KCNK9: variants seen among roughly 807,000 people sequenced by gnomAD.
The protein encoded by KCNK9 is potassium two pore domain channel subfamily K member 9.
In KCNK9, 1 loss-of-function variant was observed where a neutral mutation model predicts 10.8. That is an observed-to-expected ratio of 0.09 (90% CI 0.03 to 0.44). The LOEUF (loss-of-function observed/expected upper bound fraction) is 0.44. Ranked by LOEUF, KCNK9 falls within the 20% of genes least tolerant of loss-of-function variation. KCNK9 has a pLI of 0.97. For missense variants in KCNK9, 303 were observed against 515.0 expected (o/e 0.59, Z 3.98); for synonymous variants, 231 against 222.7 (o/e 1.04, Z -0.33).
chr8:139,627,269 A>G (rs1452309775), intron 1 of KCNK9, among the ~76,000 whole-genome samples: 2 of 152,182 alleles, frequency 1.3e-5, no homozygotes, highest in Non-Finnish European at 2.9e-5. Flanking sequence ...GTGGTGTGTC[A>G]AGTCCTCCTC....
At chr8:139,615,936 C>A (rs1435234385), downstream of KCNK9, 2 of 152,116 alleles carry the variant, frequency 1.3e-5, no homozygotes, top group African/African-American at 4.8e-5. Context: ...CAAGGGCCTG[C>A]TGCATGCCCC....
At chr8:139,612,845 A>C (rs898619930), downstream of KCNK9, among the ~76,000 whole-genome samples, 25 of 152,154 alleles carry the variant, frequency 1.6e-4, no homozygotes, top group African/African-American at 5.6e-4. Context: ...CAAGCAGAGG[A>C]GATCACAGGG....
chr8:139,626,526 C>T (rs542409392), intron 1 of KCNK9, among the ~76,000 whole-genome samples: 39 of 152,270 alleles, frequency 2.6e-4, no homozygotes, highest in African/African-American at 9.1e-4. Flanking sequence ...ACCGTGCCCT[C>T]GGAGGGACTG....
At chr8:139,650,151 T>TC (rs888254942) in intron 1 of KCNK9, among the ~76,000 whole-genome samples, 1 of 152,102 alleles carries the variant, frequency 6.6e-6, no homozygotes, top group African/African-American at 2.4e-5. Flanking sequence ...GCTTCTCATC[T>TC]CCCCCAAGTA....
chr8:139,696,639 G>C (rs747269069), intron 1 of KCNK9, among the ~76,000 whole-genome samples: 3 of 152,168 alleles, frequency 2.0e-5, no homozygotes, highest in African/African-American at 2.4e-5. Context: ...AGAGGAGGGA[G>C]GGAAGGAGGG....
intron 1 of KCNK9, among the ~76,000 whole-genome samples, chr8:139,622,046 T>C (rs1814799761): frequency 6.6e-6 from 1 of 152,218 alleles, no homozygotes; most frequent in African/African-American, 2.4e-5. Context: ...AGCAGTACAC[T>C]GGTATGTCCT....
At chr8:139,652,765 G>C (rs1268380496) in intron 1 of KCNK9, among the ~76,000 whole-genome samples, 1 of 152,190 alleles carries the variant, frequency 6.6e-6, no homozygotes, top group Non-Finnish European at 1.5e-5. Context: ...GCCAAACGCT[G>C]TCAGCTACTG....
chr8:139,700,565 T>C (rs896338066), intron 1 of KCNK9, among the ~76,000 whole-genome samples: 1 of 149,916 alleles, frequency 6.7e-6, no homozygotes, highest in African/African-American at 2.5e-5. Flanking sequence ...CACACACACA[T>C]TTTTTTCCCA....
intron 1 of KCNK9, among the ~76,000 whole-genome samples, chr8:139,652,864 G>A (rs1367863588): frequency 1.3e-5 from 2 of 152,148 alleles, no homozygotes; most frequent in African/African-American, 2.4e-5. Flanking sequence ...AACCTGCAGG[G>A]GCCAGACAGG....
At chr8:139,670,391 G>A (rs144872325) in intron 1 of KCNK9, among the ~76,000 whole-genome samples, 1,649 of 152,184 alleles carry the variant, frequency 0.011, 11 homozygotes, top group Middle Eastern at 0.017. Flanking sequence ...TTGATGACAC[G>A]GGGTGCCACA....
At chr8:139,642,594 C>T (rs895935700) in intron 1 of KCNK9, among the ~76,000 whole-genome samples, 2 of 152,224 alleles carry the variant, frequency 1.3e-5, no homozygotes, top group African/African-American at 4.8e-5. Context: ...GCTCCTCCTC[C>T]CACACCTGGC....
chr8:139,692,534 T>C lies in KCNK9; in HGVS notation c.283+10176A>G, dbSNP rs1027452757. 1.1e-4 allele frequency among the ~76,000 whole-genome samples: 16 copies of C among 152,300 alleles called. 1 individual carries two copies. The highest frequency in any genetic ancestry group is 7.2e-4 in the Admixed American group (11 of 15,302). ...CCCCTCACTAGTGTTTGAATACCTA[T>C]GGCCTGAACATTGTCCCAGACAGAC... is the stretch of plus-strand genomic sequence containing the variant. On this transcript the variant is annotated intron_variant, in intron 1 of 1. Transcript: ENST00000520439.
chr8:139,636,191 T>C (rs185632147), intron 1 of KCNK9, among the ~76,000 whole-genome samples: 1 of 152,374 alleles, frequency 6.6e-6, no homozygotes, highest in African/African-American at 2.4e-5. Flanking sequence ...TCTTCTCATG[T>C]CATGCCCAAC....
Position 139,658,668 on chromosome 8 carries a change from C to T in KCNK9, c.284-39569G>A, listed in dbSNP as rs527367834. Among the ~76,000 whole-genome samples the T allele has an allele frequency of 5.1e-4, 77 of 152,342 alleles. 1 individual carries two copies. The highest frequency in any genetic ancestry group is 1.8e-3 in the African/African-American group (73 of 41,580). On this transcript the variant is annotated intron_variant, in intron 1 of 1. Coordinates refer to ENST00000520439, the MANE Select transcript of KCNK9 (RefSeq NM_001282534.2). ...GGTCCTGGATGCTATTCTCACAAAC[C>T]AGATGTGTCCTCAGGGACTAGCTCT...
chr8:139,660,449 A>AAAATATATAT (rs56898839), intron 1 of KCNK9, among the ~76,000 whole-genome samples: 1 of 131,192 alleles, frequency 7.6e-6, no homozygotes, highest in African/African-American at 3.1e-5. Context: ...GCTAAAAAAA[A>AAAATATATAT]ATATATATAT....
chr8:139,653,983 C>T (rs557173909), intron 1 of KCNK9, among the ~76,000 whole-genome samples: 3 of 152,344 alleles, frequency 2.0e-5, no homozygotes, highest in East Asian at 1.9e-4. Context: ...GAAGTAGAGG[C>T]CCAGGATGGG....
intron 1 of KCNK9, among the ~76,000 whole-genome samples, chr8:139,642,421 A>G (rs1815531478): frequency 6.6e-6 from 1 of 152,242 alleles, no homozygotes; most frequent in African/African-American, 2.4e-5. Context: ...AAAACAATCC[A>G]CAATTTTAAT....
chr8:139,649,670 A>T (rs1349601222), intron 1 of KCNK9, among the ~76,000 whole-genome samples: 2 of 152,180 alleles, frequency 1.3e-5, no homozygotes, highest in African/African-American at 2.4e-5. Context: ...CTGCAAGACA[A>T]CAGGGTCTGG....
intron 1 of KCNK9, among the ~76,000 whole-genome samples, chr8:139,635,804 T>C (rs1267399062): frequency 6.6e-6 from 1 of 152,208 alleles, no homozygotes; most frequent in African/African-American, 2.4e-5. Context: ...CATTCCCTGC[T>C]AGTCCTTTTC....
Sources: allele counts gnomAD v4.1 joint callset (sites outside exome capture counted in the v4.1 genomes callset), GRCh38; gene constraint gnomAD v4.1.1; transcripts MANE v1.5; gene names NCBI Gene and HGNC (gene_info 2026-07-23, HGNC 2026-07-21).